The following SRGAP3 variants were observed in gnomAD, a reference collection of about 807,000 sequenced individuals.
SRGAP3 encodes the protein SLIT-ROBO Rho GTPase-activating protein 3.
SRGAP3 carries 39 observed loss-of-function variants against 121.1 expected under a neutral mutation model. The ratio of observed to expected loss-of-function variants is 0.32; its 90% CI spans 0.25 to 0.42. The LOEUF (loss-of-function observed/expected upper bound fraction) is 0.42. Among genes scored for constraint, SRGAP3 ranks in the 10% least tolerant of loss-of-function variants. SRGAP3 has a pLI of 1.00. For missense variants in SRGAP3, 1,213 were observed against 1,470.6 expected, an observed-to-expected ratio of 0.82 and a Z score of 2.86; for synonymous variants, 601 against 570.0, an observed-to-expected ratio of 1.05 and a Z score of -0.77.
intron 17 of SRGAP3, among the ~76,000 whole-genome samples, chr3:9,012,090 A>G (rs1487289929): frequency 6.6e-6 from 1 of 152,222 alleles, no homozygotes; most frequent in African/African-American, 2.4e-5. Context: ...CTTGCTCCCT[A>G]GTGCCTCAAA....
chr3:9,089,915 G>A (rs2664079), intron 3 of SRGAP3, among the ~76,000 whole-genome samples: 5 of 151,866 alleles, frequency 3.3e-5, no homozygotes, highest in East Asian at 3.9e-4. Flanking sequence ...ATTTCTCCCC[G>A]GGGGTTGCTA....
chr3:9,324,197 T>C (rs1955479856), intron 3 of SRGAP3, among the ~76,000 whole-genome samples: 1 of 151,962 alleles, frequency 6.6e-6, no homozygotes, highest in Non-Finnish European at 1.5e-5. Flanking sequence ...AGTTAGGTTT[T>C]CAATTTTGTC....
In SRGAP3 at chr3:8,985,360, C is replaced by T; in HGVS notation, c.*159G>A. 7.1e-7 allele frequency: 1 copy of T among 1,402,224 alleles called. No individual in the cohort carries two copies. Among genetic ancestry groups the T allele is most frequent in the Non-Finnish European group, 9.3e-7 (1 of 1,073,120 alleles). The allele number at this position is 1,402,224 out of a possible 1,614,324, so 86.9% of individuals were successfully genotyped here. On this transcript the variant is annotated 3_prime_UTR_variant, in exon 22 of 22. Coordinates refer to ENST00000383836, the MANE Select transcript of SRGAP3 (RefSeq NM_014850.4). This position sits in a 1 kb window ranked among gnomAD's most constrained non-coding sequence, Gnocchi z 5.1. ...GATTCCCATGGCTGGACGTGAGCTG[C>T]AGCCAGCGCCCGGGCCTCAGCTCTG...
At chr3:9,216,787 G>A (rs907651550) in intron 1 of SRGAP3, 4 of 152,456 alleles carry the variant, frequency 2.6e-5, no homozygotes, top group African/African-American at 9.7e-5. Flanking sequence ...AGGAGCGGAT[G>A]AACGTGATGC....
At position 8,990,631 on chromosome 3, in the gene SRGAP3, T is replaced by A. The variant is rs936126505; in HGVS notation, c.2767A>T (p.Ile923Phe). ...AGCGCCTTCTTGTCAGGGTAGTTGA[T>A]GCTGCCAGCGCTCCCGAACGTCGCC... Reference protein sequence around the residue: ...RMATFGSAGSINYPDKKALSE... With the variant: ...RMATFGSAGSFNYPDKKALSE... The change falls in exon 21 of 22, where the codon ATC (isoleucine) becomes TTC (phenylalanine). Residue 923 changes from isoleucine to phenylalanine, a missense_variant. Ile to Phe is a conservative substitution (Grantham distance 21). This residue lies in a region of SRGAP3 where 420 missense variants were observed against 437.7 expected (regional missense o/e 0.96). Transcript: ENST00000383836. 3.7e-6 allele frequency: 6 copies of A among 1,613,482 alleles called. No individual in the cohort carries two copies. The highest frequency in any genetic ancestry group is 5.1e-6 in the Non-Finnish European group (6 of 1,179,876).
intron 11 of SRGAP3, chr3:9,036,019 A>G (rs897789276): frequency 1.3e-5 from 2 of 152,210 alleles, no homozygotes; most frequent in East Asian, 1.9e-4. Flanking sequence ...ATCAAACCTT[A>G]TATTTGCATC....
intron 3 of SRGAP3, among the ~76,000 whole-genome samples, chr3:9,084,838 A>G (rs1947389426): frequency 6.6e-6 from 1 of 152,008 alleles, no homozygotes; most frequent in Non-Finnish European, 1.5e-5. Flanking sequence ...AAGCCTCCTC[A>G]TTGTCTACAG....
At chr3:9,161,859 C>G (rs144524651) in intron 1 of SRGAP3, among the ~76,000 whole-genome samples, 1 of 151,330 alleles carries the variant, frequency 6.6e-6, no homozygotes, top group Non-Finnish European at 1.5e-5. Flanking sequence ...TTCAAGCAAA[C>G]CTTTGTCAAA....
At chr3:9,303,991 C>T (rs1275310742) in intron 3 of SRGAP3, among the ~76,000 whole-genome samples, 2 of 152,102 alleles carry the variant, frequency 1.3e-5, no homozygotes, top group Admixed American at 6.6e-5. Flanking sequence ...GAAATCTAGG[C>T]ACCACACAAA....
At chr3:9,030,822 A>C (rs1186483222) in intron 12 of SRGAP3, among the ~76,000 whole-genome samples, 3 of 152,134 alleles carry the variant, frequency 2.0e-5, no homozygotes, top group Non-Finnish European at 4.4e-5. Flanking sequence ...CTGAGCCTTC[A>C]TTCCTTCTGT....
At chr3:9,170,791 A>G (rs1950950357) in intron 1 of SRGAP3, among the ~76,000 whole-genome samples, 1 of 152,226 alleles carries the variant, frequency 6.6e-6, no homozygotes, top group Non-Finnish European at 1.5e-5. Flanking sequence ...ACCTGCCCTC[A>G]GGCCTCGGAC....
chr3:9,348,477 G>A lies in SRGAP3; in HGVS notation n.214+14363C>T, dbSNP rs1248235372. The stretch of plus-strand genomic sequence containing the variant: ...TACAAATTGGTGTTGATCCAGCATG[G>A]CGAGAGCATGTGGAATCCGGAGAAC... On this transcript the variant is annotated intron_variant and non_coding_transcript_variant, in intron 1 of 3. Transcript: ENST00000490889. The A allele has an allele frequency of 8.4e-6, 6 of 711,986 alleles. No homozygotes were observed. In the African/African-American group the frequency reaches 8.6e-5, roughly 10 times the overall value. 44.1% of individuals were successfully genotyped at this position (711,986 alleles called of 1,614,324 possible). A position where few individuals can be genotyped will look rare whatever the true frequency, so the allele number is the denominator to read the frequency against.
intron 18 of SRGAP3, among the ~76,000 whole-genome samples, chr3:8,996,463 G>A (rs1332872402): frequency 2.6e-5 from 4 of 152,208 alleles, no homozygotes; most frequent in African/African-American, 9.6e-5. Flanking sequence ...GCAGCCTTCT[G>A]CAGGGAGCAG....
At chr3:9,071,749 T>C (rs1946732006) in intron 4 of SRGAP3, among the ~76,000 whole-genome samples, 1 of 150,514 alleles carries the variant, frequency 6.6e-6, no homozygotes, top group African/African-American at 2.4e-5. Context: ...AAGGGTAAAA[T>C]GGGGGAGGCA....
intron 1 of SRGAP3, among the ~76,000 whole-genome samples, chr3:9,162,827 T>C (rs1371589542): frequency 1.3e-5 from 2 of 152,168 alleles, no homozygotes; most frequent in Non-Finnish European, 2.9e-5. Context: ...TGTAGGGTGT[T>C]TTGAGGTTTA....
intron 21 of SRGAP3, among the ~76,000 whole-genome samples, chr3:8,989,642 CA>C (rs1010006526): frequency 3.3e-5 from 5 of 151,304 alleles, no homozygotes; most frequent in Non-Finnish European, 7.4e-5. Context: ...ATTCCAGAGA[CA>C]AAAAAAATGG....
At position 8,983,360 on chromosome 3, in the gene SRGAP3, C is replaced by T. The variant is rs926543046; in HGVS notation, c.*2159G>A. ...CAAGGGAGGTCAAGTTTGACACTGG[C>T]CTCTCCCTGAGATCCCTTTTTTTGT... On this transcript the variant is annotated 3_prime_UTR_variant, in exon 22 of 22. Coordinates refer to ENST00000383836, the MANE Select transcript of SRGAP3 (RefSeq NM_014850.4). 1 of 229,280 alleles carries T rather than the reference C, an allele frequency of 4.4e-6. No homozygotes were observed. The highest frequency in any genetic ancestry group is 6.2e-5 in the East Asian group (1 of 16,074). The allele number at this position is 229,280 out of a possible 1,614,324, so 14.2% of individuals were successfully genotyped here.
chr3:9,314,652 C>T (rs1955313685), intron 3 of SRGAP3, among the ~76,000 whole-genome samples: 1 of 152,034 alleles, frequency 6.6e-6, no homozygotes, highest in East Asian at 1.9e-4. Flanking sequence ...CTCTCCCCAC[C>T]CTGCCCTCCT....
chr3:9,151,660 G>C (rs1352753273), intron 1 of SRGAP3, among the ~76,000 whole-genome samples: 1 of 152,212 alleles, frequency 6.6e-6, no homozygotes, highest in Non-Finnish European at 1.5e-5. Flanking sequence ...AGAGCCAAGG[G>C]GCATCCCAAC....
Sources: allele counts gnomAD v4.1 joint callset (sites outside exome capture counted in the v4.1 genomes callset), GRCh38; gene constraint gnomAD v4.1.1; regional missense constraint gnomAD v4.1.1; non-coding constraint Gnocchi (gnomAD v3.1); transcripts MANE v1.5; gene names NCBI Gene and HGNC (gene_info 2026-07-23, HGNC 2026-07-21).